DNAAF9: variants seen among roughly 807,000 people sequenced by gnomAD.
DNAAF9 encodes the protein dynein axonemal assembly factor 9.
A neutral mutation model predicts 167.0 loss-of-function variants in DNAAF9; 90 were observed. The observed-to-expected ratio is 0.54, with a 90% CI of 0.45 to 0.64. The LOEUF (loss-of-function observed/expected upper bound fraction) is 0.64, where lower values mean the gene tolerates loss of function less well. Ranked by LOEUF, DNAAF9 falls within the 30% of genes least tolerant of loss-of-function variation. The pLI, the probability that DNAAF9 is intolerant of heterozygous loss-of-function variation, is 0.00. For missense variants in DNAAF9, 1,315 were observed against 1,442.2 expected, an observed-to-expected ratio of 0.91 and a Z score of 1.43; for synonymous variants, 491 against 508.8, an observed-to-expected ratio of 0.96 and a Z score of 0.47.
At chr20:3,387,877 C>G (rs1203139386) in intron 1 of DNAAF9, among the ~76,000 whole-genome samples, 1 of 51,392 alleles carries the variant, frequency 1.9e-5, no homozygotes, top group Admixed American at 2.8e-4. Flanking sequence ...CCTGTCTCTA[C>G]AAAAAGTAAA....
chr20:3,322,173 T>C, intron 16 of DNAAF9, 44 bp downstream of exon 16: 1 of 1,499,358 alleles, frequency 6.7e-7, no homozygotes, highest in Admixed American at 1.7e-5. Flanking sequence ...GATGTCCCTC[T>C]ACAGGCCATT....
chr20:3,350,132 G>GACACACACACACACAC (rs1306670611), intron 7 of DNAAF9, among the ~76,000 whole-genome samples: 2 of 137,560 alleles, frequency 1.5e-5, no homozygotes, highest in Non-Finnish European at 1.6e-5. Flanking sequence ...CAGACACACA[G>GACACACACACACACAC]ACACACAGAC....
At chr20:3,368,828 C>G (rs1040085225) in intron 6 of DNAAF9, among the ~76,000 whole-genome samples, 27 of 150,976 alleles carry the variant, frequency 1.8e-4, no homozygotes, top group Non-Finnish European at 3.4e-4. Flanking sequence ...ATCCTGGAAG[C>G]TTTTAAAGAT....
At chr20:3,326,504 G>T (rs952150516) in intron 12 of DNAAF9, among the ~76,000 whole-genome samples, 2 of 152,086 alleles carry the variant, frequency 1.3e-5, no homozygotes, top group African/African-American at 4.8e-5. Context: ...GGCTGAGATG[G>T]GCAGATCGCT....
rs188955452 is a variant in DNAAF9 at position 3,271,768 on chromosome 20, C to T, written c.2651-1206G>A. ...TCCTAAGTAGCTGGGATTACTGGTG[C>T]GCGCCACCATGCCCAGCTTATTTTG... On this transcript the variant is annotated intron_variant, in intron 29 of 36. Coordinates refer to ENST00000252032, the MANE Select transcript of DNAAF9 (RefSeq NM_001009984.3). Among the ~76,000 whole-genome samples, 13 of 151,346 alleles carry T rather than the reference C, an allele frequency of 8.6e-5. No homozygotes were observed. In the East Asian group the frequency reaches 2.2e-3, roughly 25 times the overall value.
At chr20:3,313,372 G>C (rs1163709883) in intron 20 of DNAAF9, among the ~76,000 whole-genome samples, 1 of 152,222 alleles carries the variant, frequency 6.6e-6, no homozygotes, top group African/African-American at 2.4e-5. Flanking sequence ...TCTTCTGTGT[G>C]AATGAAGGGG....
At chr20:3,394,942 CTTTTTTCTTTTTTTTTTTTTTTTTTTTTT>C (rs1241488447) in intron 1 of DNAAF9, among the ~76,000 whole-genome samples, 5 of 89,020 alleles carry the variant, frequency 5.6e-5, no homozygotes, top group Admixed American at 3.0e-4. Flanking sequence ...TGAACATTTT[CTTTTTTCTTTTTTTTTTTTTTTTTTTTTT>C]TTTTTTTTTT....
intron 6 of DNAAF9, among the ~76,000 whole-genome samples, chr20:3,365,870 C>T (rs1166814103): frequency 6.6e-6 from 1 of 152,210 alleles, no homozygotes; most frequent in Non-Finnish European, 1.5e-5. Context: ...ACTTTCTTTA[C>T]TCATCCATAA....
chr20:3,341,395 C>G (rs1006700525), intron 9 of DNAAF9, among the ~76,000 whole-genome samples: 14 of 152,174 alleles, frequency 9.2e-5, no homozygotes, highest in African/African-American at 3.4e-4. Context: ...CTCAGTCTCC[C>G]CAGTCAGTCA....
chr20:3,361,828 C>G, intron 6 of DNAAF9: 1 of 1,418,676 alleles, frequency 7.0e-7, no homozygotes, highest in Non-Finnish European at 9.7e-7. Flanking sequence ...ATGAAGACTG[C>G]TTAAATCGAA....
chr20:3,310,333 AAAAGAAAGAAAGAAAGAAAGAAAG>A lies in DNAAF9; in HGVS notation c.1678+4676_1678+4699del, dbSNP rs376196616. On this transcript the variant is annotated intron_variant, in intron 20 of 36. Coordinates refer to ENST00000252032, the MANE Select transcript of DNAAF9 (RefSeq NM_001009984.3). ...GAAAGAAAGAAAGGAAAGAGAAAGA[AAAAGAAAGAAAGAAAGAAAGAAAG>A]AAAGAAAGAAAGAAAGAAAGAAAGA... 9.4e-5 allele frequency among the ~76,000 whole-genome samples: 10 copies of A among 106,182 alleles called. 1 individual carries two copies. The highest frequency in any genetic ancestry group is 7.3e-4 in the South Asian group (2 of 2,756). 69.7% of individuals were successfully genotyped at this position (106,182 alleles called of 152,430 possible). A position where few individuals can be genotyped will look rare whatever the true frequency, so the allele number is the denominator to read the frequency against.
At chr20:3,272,140 T>C (rs2068604747) in intron 29 of DNAAF9, among the ~76,000 whole-genome samples, 1 of 152,144 alleles carries the variant, frequency 6.6e-6, no homozygotes, top group Non-Finnish European at 1.5e-5. Flanking sequence ...TTCCATAATA[T>C]AAGGACTCTA....
At chr20:3,367,035 G>C (rs567598178) in intron 6 of DNAAF9, among the ~76,000 whole-genome samples, 1 of 152,176 alleles carries the variant, frequency 6.6e-6, no homozygotes, top group East Asian at 1.9e-4. Context: ...GTTGTTTAGC[G>C]TAGCTACCTT....
chr20:3,256,465 T>C (rs536077368), intron 33 of DNAAF9, among the ~76,000 whole-genome samples: 8 of 152,216 alleles, frequency 5.3e-5, no homozygotes, highest in South Asian at 2.1e-4. Flanking sequence ...TGAGCTGAGA[T>C]TGCGCCACTG....
chr20:3,257,701 GC>G (rs1273402234), intron 33 of DNAAF9, among the ~76,000 whole-genome samples: 1 of 151,498 alleles, frequency 6.6e-6, no homozygotes, highest in Non-Finnish European at 1.5e-5. Flanking sequence ...GTGCCACCAT[GC>G]CCGGCTAATT....
chr20:3,399,714 C>T (rs1225289169), intron 1 of DNAAF9, among the ~76,000 whole-genome samples: 1 of 152,142 alleles, frequency 6.6e-6, no homozygotes, highest in Non-Finnish European at 1.5e-5. Flanking sequence ...GGAGTTCCTA[C>T]AGCCATTCTG....
intron 10 of DNAAF9, among the ~76,000 whole-genome samples, chr20:3,334,037 A>C (rs181931887): frequency 6.6e-6 from 1 of 152,316 alleles, no homozygotes; most frequent in East Asian, 1.9e-4. Context: ...AAACAAGAAG[A>C]ACCTCAAGAC....
intron 29 of DNAAF9, 81 bp from the exon 30 acceptor site, chr20:3,270,643 C>T: frequency 1.6e-6 from 2 of 1,264,514 alleles, no homozygotes; most frequent in South Asian, 2.5e-5. Flanking sequence ...GCCCTTGCTC[C>T]ATCCCCTAAT....
chr20:3,267,013 C>T lies in DNAAF9; in HGVS notation c.2787-2489G>A, dbSNP rs181821003. On this transcript the variant is annotated intron_variant, in intron 30 of 36. Coordinates refer to ENST00000252032, the MANE Select transcript of DNAAF9 (RefSeq NM_001009984.3). ...AATCACAGGCATGCACTACCATGCC[C>T]GGCTAATTTTATATTTTTAATAGAG... is the stretch of plus-strand genomic sequence containing the variant. Among the ~76,000 whole-genome samples the T allele has an allele frequency of 2.0e-3, 298 of 152,046 alleles. 4 individuals carry two copies. Among genetic ancestry groups the T allele is most frequent in the Admixed American group, 2.9e-3 (45 of 15,274 alleles).
Sources: allele counts gnomAD v4.1 joint callset (sites outside exome capture counted in the v4.1 genomes callset), GRCh38; gene constraint gnomAD v4.1.1; transcripts MANE v1.5; gene names NCBI Gene and HGNC (gene_info 2026-07-23, HGNC 2026-07-21).